The following RELN variants were observed in gnomAD, a reference collection of about 807,000 sequenced individuals.
RELN encodes reelin.
RELN carries 108 observed loss-of-function variants against 427.6 expected under a neutral mutation model. The observed-to-expected ratio is 0.25, with a 90% CI of 0.22 to 0.30. The LOEUF is 0.30. Among genes scored for constraint, RELN ranks in the 10% least tolerant of loss-of-function variants. The pLI is 1.00. For synonymous variants in RELN, 1,524 were observed against 1,513.4 expected (o/e 1.01, Z -0.16); for missense variants, 3,715 against 4,302.8 (o/e 0.86, Z 3.82).
Position 103,805,075 on chromosome 7 carries a change from A to G in RELN, c.474-28448T>C, listed in dbSNP as rs553910363. ...ATATATATTCCCTCAGGTTGAGTGG[A>G]AAAAAAAAACAACTCAATGTCAAGA... On this transcript the variant is annotated intron_variant, in intron 3 of 64. Transcript: ENST00000428762. Among the ~76,000 whole-genome samples the G allele has an allele frequency of 4.0e-4, 32 of 80,890 alleles. 1 individual carries two copies. The highest frequency in any genetic ancestry group is 1.5e-3 in the Admixed American group (11 of 7,354). The allele number at this position is 80,890 out of a possible 152,430, so 53.1% of individuals were successfully genotyped here. A position where few individuals can be genotyped will look rare whatever the true frequency, so the allele number is the denominator to read the frequency against.
chr7:103,724,989 C>T (rs1790169667), intron 7 of RELN, among the ~76,000 whole-genome samples: 2 of 151,878 alleles, frequency 1.3e-5, no homozygotes, highest in Admixed American at 1.3e-4. Flanking sequence ...ATTCTGAAAA[C>T]AAAAGGGGCC....
intron 1 of RELN, among the ~76,000 whole-genome samples, chr7:103,948,288 C>T (rs1796259899): frequency 6.6e-6 from 1 of 152,180 alleles, no homozygotes; most frequent in Non-Finnish European, 1.5e-5. Context: ...CACATGCACA[C>T]ACACACATAT....
At chr7:103,847,200 A>C (rs1164153339) in intron 2 of RELN, among the ~76,000 whole-genome samples, 2 of 152,220 alleles carry the variant, frequency 1.3e-5, no homozygotes, top group African/African-American at 4.8e-5. Context: ...CTGGATAAAG[A>C]AAATGTGGCA....
intron 6 of RELN, among the ~76,000 whole-genome samples, chr7:103,739,783 G>C (rs1046571567): frequency 1.3e-5 from 2 of 152,176 alleles, no homozygotes; most frequent in African/African-American, 4.8e-5. Context: ...AGATCTAGGA[G>C]GCAAAGAGTA....
chr7:103,644,345 C>A (rs545883125), intron 16 of RELN, among the ~76,000 whole-genome samples: 2 of 147,552 alleles, frequency 1.4e-5, no homozygotes, highest in South Asian at 4.2e-4. Context: ...AAAGCTAACA[C>A]AAAAACATCA....
intron 16 of RELN, among the ~76,000 whole-genome samples, chr7:103,646,246 A>G (rs1435797784): frequency 2.0e-5 from 3 of 151,990 alleles, no homozygotes; most frequent in South Asian, 2.1e-4. Context: ...ATCCAAAGCT[A>G]TCAGAAGAAA....
At chr7:103,963,750 T>C (rs1265413297) in intron 1 of RELN, among the ~76,000 whole-genome samples, 1 of 152,230 alleles carries the variant, frequency 6.6e-6, no homozygotes, top group East Asian at 1.9e-4. Context: ...AGCCTTGTTA[T>C]GGGGATATCA....
At chr7:103,478,606 A>G in intron 63 of RELN, 1 of 530,592 alleles carries the variant, frequency 1.9e-6, no homozygotes, top group South Asian at 2.5e-5. Flanking sequence ...GTAATGTAAC[A>G]TGCAATATTT....
intron 20 of RELN, among the ~76,000 whole-genome samples, chr7:103,621,116 A>G (rs1832208678): frequency 6.6e-6 from 1 of 152,212 alleles, no homozygotes; most frequent in African/African-American, 2.4e-5. Flanking sequence ...CTTCACAGCA[A>G]ACATATTAAA....
At chr7:103,478,542 TAAAG>T (rs1277792073) in intron 63 of RELN, 148 bp from the exon 64 acceptor site, 11 of 671,716 alleles carry the variant, frequency 1.6e-5, no homozygotes, top group Non-Finnish European at 3.0e-5. Context: ...AAATAAAAAT[TAAAG>T]AAGTTATTTC....
At chr7:103,857,485 G>A (rs1441282814) in intron 2 of RELN, among the ~76,000 whole-genome samples, 1 of 152,226 alleles carries the variant, frequency 6.6e-6, no homozygotes, top group East Asian at 1.9e-4. Context: ...CCTGGGTGTA[G>A]AGGGATTTGC....
intron 1 of RELN, among the ~76,000 whole-genome samples, chr7:103,922,924 C>T (rs1048939676): frequency 2.6e-5 from 4 of 151,844 alleles, no homozygotes; most frequent in Admixed American, 2.6e-4. Flanking sequence ...AAATGATGTT[C>T]CCATTTTTTT....
intron 51 of RELN, 41 bp from the exon 52 acceptor site, chr7:103,503,271 T>C: frequency 1.9e-6 from 3 of 1,573,690 alleles, no homozygotes; most frequent in South Asian, 1.1e-5. Context: ...TAAAACTATA[T>C]GATATGATTC....
intron 4 of RELN, among the ~76,000 whole-genome samples, chr7:103,759,364 C>T (rs1791239288): frequency 6.6e-6 from 1 of 152,116 alleles, no homozygotes; most frequent in Non-Finnish European, 1.5e-5. Flanking sequence ...TTGAGCCTAA[C>T]ACGAAAGCAA....
chr7:103,504,378 T>A (rs1466473798), intron 51 of RELN: 1 of 152,186 alleles, frequency 6.6e-6, no homozygotes, highest in Non-Finnish European at 1.5e-5. Flanking sequence ...TCCTACATTT[T>A]TATTGTTGAT....
chr7:103,520,566 G>T (rs941260208), intron 48 of RELN, among the ~76,000 whole-genome samples: 1 of 152,076 alleles, frequency 6.6e-6, no homozygotes, highest in African/African-American at 2.4e-5. Context: ...GTGAGCCACC[G>T]CGCCTGTAAA....
Position 103,593,737 on chromosome 7 carries a change from C to T in RELN, c.3857G>A (p.Arg1286Gln). The T allele has an allele frequency of 6.2e-7, 1 of 1,614,010 alleles. No individual in the cohort carries two copies. The highest frequency in any genetic ancestry group is 8.5e-7 in the Non-Finnish European group (1 of 1,179,940). Residue 1286 changes from arginine to glutamine, a missense_variant, in exon 27 of 65, where the codon CGA becomes CAA. Transcript: ENST00000428762. ...GGTCAAATCTCGAGTTACTGCAAAT[C>T]GATCTCCATCTGATTTTCCAAATAT... Reference protein sequence around the residue: ...AMIFGKSDGDRFAVTRDLTLK... With the variant: ...AMIFGKSDGDQFAVTRDLTLK...
At chr7:103,664,899 T>G (rs1356801598) in intron 11 of RELN, among the ~76,000 whole-genome samples, 1 of 152,144 alleles carries the variant, frequency 6.6e-6, no homozygotes, top group African/African-American at 2.4e-5. Flanking sequence ...GTATTGTACT[T>G]TTTTTCACTT....
At chr7:103,871,625 G>T (rs1794336443) in intron 2 of RELN, among the ~76,000 whole-genome samples, 1 of 152,120 alleles carries the variant, frequency 6.6e-6, no homozygotes, top group African/African-American at 2.4e-5. Context: ...AGGCAGCAGT[G>T]AACCAGCTAG....
Sources: gnomAD v4.1 joint callset for allele counts (sites outside exome capture counted in the v4.1 genomes callset) on GRCh38, gnomAD v4.1.1 for gene constraint, MANE v1.5 for transcripts, NCBI Gene and HGNC (gene_info 2026-07-23, HGNC 2026-07-21) for gene names.